SLFN12L: variants seen among roughly 807,000 people sequenced by gnomAD.
The protein encoded by SLFN12L is schlafen family member 12 like, also known as schlafen family member 12-like.
SLFN12L carries 34 observed loss-of-function variants against 34.8 expected under a neutral mutation model. The observed-to-expected ratio is 0.98, with a 90% CI of 0.74 to 1.30. SLFN12L has a LOEUF of 1.30. Ranked by LOEUF, SLFN12L falls within the 50% of genes most tolerant of loss-of-function variation. The probability of loss-of-function intolerance (pLI) is 0.00; values close to 1 mark genes in which losing one functional copy is unlikely to be tolerated. For missense variants in SLFN12L, 703 were observed against 696.2 expected (o/e 1.01, Z -0.11); for synonymous variants, 259 against 247.5 (o/e 1.05, Z -0.44).
At chr17:35,535,351 T>C (rs998128963) in intron 1 of SLFN12L, among the ~76,000 whole-genome samples, 3 of 151,456 alleles carry the variant, frequency 2.0e-5, no homozygotes, top group Non-Finnish European at 4.4e-5. Flanking sequence ...CCACCTTGCC[T>C]AGCTAATTTT....
chr17:35,506,333 G>A (rs1915464472), intron 2 of SLFN12L, among the ~76,000 whole-genome samples: 1 of 152,106 alleles, frequency 6.6e-6, no homozygotes, highest in African/African-American at 2.4e-5. Context: ...AGGACTGTGT[G>A]GAAATAAATG....
chr17:35,483,132 T>C (rs1235337432), intron 2 of SLFN12L, among the ~76,000 whole-genome samples: 1 of 152,012 alleles, frequency 6.6e-6, no homozygotes, highest in Admixed American at 6.6e-5. Flanking sequence ...GGGCCTCCTC[T>C]CTGCTGAGAG....
chr17:35,511,656 G>A (rs1915651460), intron 2 of SLFN12L, among the ~76,000 whole-genome samples: 1 of 151,966 alleles, frequency 6.6e-6, no homozygotes, highest in East Asian at 1.9e-4. Context: ...GGCTGAGGTG[G>A]AAGGATCCCT....
At chr17:35,478,042 C>T (rs372226957) in intron 4 of SLFN12L, 33 bp downstream of exon 4, 321 of 1,386,306 alleles carry the variant, frequency 2.3e-4, no homozygotes, top group Non-Finnish European at 2.8e-4. Context: ...CACAGTTACA[C>T]CAACAACTCC....
At position 35,465,271 on chromosome 17, in the gene SLFN12L, T is replaced by C. The variant is rs769612685; in HGVS notation, c.*9652A>G. Reference sequence around the variant, plus strand: ...TTAATAAATACTCAAATTATACTTATGCCTGAGGTTCCAACAAATTTAAAC... The same window carrying C: ...TTAATAAATACTCAAATTATACTTACGCCTGAGGTTCCAACAAATTTAAAC... On this transcript the variant is annotated 3_prime_UTR_variant, in exon 5 of 5. Transcript: ENST00000628453. 4.6e-5 allele frequency among the ~76,000 whole-genome samples: 7 copies of C among 152,204 alleles called. No homozygotes were observed. Among genetic ancestry groups the C allele is most frequent in the Admixed American group, 1.3e-4 (2 of 15,282 alleles).
At chr17:35,486,933 T>G (rs1241234613) in intron 2 of SLFN12L, among the ~76,000 whole-genome samples, 1 of 152,208 alleles carries the variant, frequency 6.6e-6, no homozygotes, top group Non-Finnish European at 1.5e-5. Context: ...TGATTTGCCG[T>G]CTTCGGATAC....
At position 35,471,648 on chromosome 17, in the gene SLFN12L, A is replaced by G. The variant is rs1913810710; in HGVS notation, c.*3275T>C. On this transcript the variant is annotated 3_prime_UTR_variant, in exon 5 of 5. Coordinates refer to ENST00000628453, the MANE Select transcript of SLFN12L (RefSeq NM_001363830.2). ...GCCGTGCAGTGGAGACTTTTTAATA[A>G]TCTTTCTTTTAATAAAAGATTATTT... Among the ~76,000 whole-genome samples, 1 of 148,620 alleles carries G rather than the reference A, an allele frequency of 6.7e-6. No individual in the cohort carries two copies. Among genetic ancestry groups the G allele is most frequent in the African/African-American group, 2.5e-5 (1 of 39,776 alleles).
At chr17:35,486,521 G>A (rs936219881) in intron 2 of SLFN12L, among the ~76,000 whole-genome samples, 2 of 152,070 alleles carry the variant, frequency 1.3e-5, no homozygotes, top group Admixed American at 1.3e-4. Flanking sequence ...TCCAACACCT[G>A]CAGCCATGTA....
intron 1 of SLFN12L, among the ~76,000 whole-genome samples, chr17:35,523,629 G>A (rs925336873): frequency 6.6e-6 from 1 of 152,178 alleles, no homozygotes; most frequent in Non-Finnish European, 1.5e-5. Context: ...ATATACTTGT[G>A]CTACAGAGTT....
intron 2 of SLFN12L, among the ~76,000 whole-genome samples, chr17:35,482,558 C>A (rs568443236): frequency 1.4e-3 from 218 of 152,372 alleles, no homozygotes; most frequent in Non-Finnish European, 2.7e-3. Flanking sequence ...CATGCAGCTG[C>A]AGCCACCCAA....
chr17:35,477,003 C>CT (rs1914062416), intron 4 of SLFN12L, among the ~76,000 whole-genome samples: 1 of 152,162 alleles, frequency 6.6e-6, no homozygotes, highest in African/African-American at 2.4e-5. Context: ...ACTGTTACAT[C>CT]TTTTTTAAAA....
chr17:35,514,928 T>G, intron 2 of SLFN12L: 1 of 413,934 alleles, frequency 2.4e-6, no homozygotes, highest in South Asian at 2.0e-5. Flanking sequence ...ATTTGTCAGG[T>G]GGTCTACACC....
intron 2 of SLFN12L, chr17:35,490,085 C>T (rs937675634): frequency 1.9e-6 from 3 of 1,607,134 alleles, no homozygotes; most frequent in Non-Finnish European, 1.7e-6. Flanking sequence ...CACCGGCCCC[C>T]TCCTCCCCAG....
In SLFN12L at chr17:35,480,131, T is replaced by C; in HGVS notation, c.151A>G (p.Thr51Ala). Residue 51 changes from threonine to alanine, a missense_variant, in exon 3 of 5, where the codon ACA becomes GCA. Physicochemically the swap from Thr to Ala is moderately conservative, Grantham distance 58 (BLOSUM62 0). Coordinates refer to ENST00000628453, the MANE Select transcript of SLFN12L (RefSeq NM_001363830.2). The stretch of plus-strand genomic sequence containing the variant: ...TTTAGAACCAGCTCAGCATAGTTTG[T>C]GTCTAAATCAATACTGATGTTCATT... ...GKMNISIDLD[T>A]NYAELVLNVG... The C allele has an allele frequency of 6.2e-7, 1 of 1,613,128 alleles. No individual in the cohort carries two copies. Among genetic ancestry groups the C allele is most frequent in the Admixed American group, 1.7e-5 (1 of 59,768 alleles).
chr17:35,491,376 G>A, intron 2 of SLFN12L: 1 of 394,342 alleles, frequency 2.5e-6, no homozygotes, highest in Non-Finnish European at 4.6e-6. Context: ...AACTTCAGAA[G>A]AAAGCTGACA....
At chr17:35,491,962 C>T (rs1914855297) in intron 2 of SLFN12L, among the ~76,000 whole-genome samples, 1 of 152,172 alleles carries the variant, frequency 6.6e-6, no homozygotes, top group African/African-American at 2.4e-5. Flanking sequence ...ATGAACCACT[C>T]CCATTCCCCT....
At chr17:35,536,057 G>A (rs993620500) in intron 1 of SLFN12L, among the ~76,000 whole-genome samples, 4 of 151,960 alleles carry the variant, frequency 2.6e-5, no homozygotes, top group Non-Finnish European at 5.9e-5. Context: ...GGGCTCAAGC[G>A]ATCTTCCCAC....
chr17:35,492,033 T>G (rs1387601396), intron 2 of SLFN12L, among the ~76,000 whole-genome samples: 2 of 152,244 alleles, frequency 1.3e-5, no homozygotes, highest in East Asian at 3.8e-4. Context: ...TAGTTCTTTG[T>G]GGATTGTTTT....
At chr17:35,487,854 C>T (rs1404521857) in intron 2 of SLFN12L, 8 of 1,154,876 alleles carry the variant, frequency 6.9e-6, no homozygotes, top group South Asian at 1.3e-5. Context: ...GCACTCGACT[C>T]CCCGGAAGTG....
Sources: allele counts gnomAD v4.1 joint callset (sites outside exome capture counted in the v4.1 genomes callset), GRCh38; gene constraint gnomAD v4.1.1; transcripts MANE v1.5; gene names NCBI Gene and HGNC (gene_info 2026-07-23, HGNC 2026-07-21).